DKK3: variants seen among roughly 807,000 people sequenced by gnomAD.
DKK3 encodes the protein dickkopf Wnt signaling pathway inhibitor 3.
DKK3 carries 22 observed loss-of-function variants against 33.2 expected under a neutral mutation model. The observed-to-expected ratio is 0.66, with a 90% CI of 0.47 to 0.95. DKK3 has a LOEUF of 0.95. Among genes scored for constraint, DKK3 ranks in the 40% least tolerant of loss-of-function variants. The pLI, the probability that DKK3 is intolerant of heterozygous loss-of-function variation, is 0.00. For missense variants in DKK3, 398 were observed against 458.4 expected (o/e 0.87, Z 1.20); for synonymous variants, 194 against 188.8 (o/e 1.03, Z -0.23).
chr11:12,009,049 C>T, upstream of DKK3: 4 of 988,086 alleles, frequency 4.0e-6, no homozygotes, highest in Non-Finnish European at 4.8e-6. Flanking sequence ...CTGGGGTGGA[C>T]CAAGCACAGG....
At chr11:11,990,698 C>T (rs933318339) in intron 3 of DKK3, among the ~76,000 whole-genome samples, 2 of 152,224 alleles carry the variant, frequency 1.3e-5, no homozygotes, top group African/African-American at 4.8e-5. Context: ...CTCCCCCACG[C>T]ACATCTCCAG....
At chr11:11,997,888 T>G (rs1418834919) in intron 3 of DKK3, among the ~76,000 whole-genome samples, 1 of 152,182 alleles carries the variant, frequency 6.6e-6, no homozygotes, top group Non-Finnish European at 1.5e-5. Flanking sequence ...AAATCCTCAG[T>G]GCCCTGGGAA....
chr11:11,964,260 T>A lies in DKK3; in HGVS notation c.*204A>T, dbSNP rs2134977367. The A allele has an allele frequency of 1.5e-6, 1 of 665,402 alleles. No individual in the cohort carries two copies. The highest frequency in any genetic ancestry group is 2.5e-6 in the Non-Finnish European group (1 of 396,088). The allele number at this position is 665,402 out of a possible 1,614,324, so 41.2% of individuals were successfully genotyped here. A position where few individuals can be genotyped will look rare whatever the true frequency, so the allele number is the denominator to read the frequency against. ...CTCCTGCAGTTTAACCCTGCCTGACTCTCCCAAGCACCAGACTGTGAAGCC... is the reference window on the plus strand; with the variant it reads ...CTCCTGCAGTTTAACCCTGCCTGACACTCCCAAGCACCAGACTGTGAAGCC... On this transcript the variant is annotated 3_prime_UTR_variant, in exon 7 of 7. Coordinates refer to ENST00000683431, the MANE Select transcript of DKK3 (RefSeq NM_001018057.2).
chr11:11,974,811 G>A (rs1277095947), intron 3 of DKK3, among the ~76,000 whole-genome samples: 1 of 152,092 alleles, frequency 6.6e-6, no homozygotes, highest in Non-Finnish European at 1.5e-5. Context: ...GGCTGAGGTG[G>A]GAGGATCGCT....
intron 2 of DKK3, among the ~76,000 whole-genome samples, chr11:11,999,190 A>G (rs919440783): frequency 1.3e-5 from 2 of 152,226 alleles, no homozygotes; most frequent in African/African-American, 4.8e-5. Flanking sequence ...ATGAAAAGCA[A>G]GCAGGTTTTA....
At chr11:11,986,060 TGCC>T (rs1356231001) in intron 3 of DKK3, among the ~76,000 whole-genome samples, 1 of 152,068 alleles carries the variant, frequency 6.6e-6, no homozygotes, top group Non-Finnish European at 1.5e-5. Context: ...AAGTTCTGCT[TGCC>T]AGGCATGAGA....
intron 3 of DKK3, chr11:11,979,758 T>G (rs1001049387): frequency 6.6e-6 from 1 of 152,408 alleles, no homozygotes; most frequent in African/African-American, 2.4e-5. Flanking sequence ...TCCACCAGAC[T>G]CCTTTCTGCA....
chr11:12,004,305 C>T (rs1848494017), intron 1 of DKK3, among the ~76,000 whole-genome samples: 1 of 152,160 alleles, frequency 6.6e-6, no homozygotes, highest in African/African-American at 2.4e-5. Context: ...ATCTCCGTTC[C>T]AGGCAATAGG....
In DKK3 at chr11:12,008,461, G is replaced by T; in HGVS notation, c.122C>A (p.Pro41Gln). Residue 41 changes from proline (P) to glutamine (Q), a missense_variant, in exon 1 of 7, where the codon CCG becomes CAG. Physicochemically the swap from Pro to Gln is moderately conservative, Grantham distance 76. Coordinates refer to ENST00000683431, the MANE Select transcript of DKK3 (RefSeq NM_001018057.2). The surrounding 1 kb of genome is among the most constrained non-coding windows in gnomAD (Gnocchi z 4.6). ...PVKPGPALSY[P>Q]QEEATLNEMF... ...CTCATTGAGGGTGGCCTCCTCCTGC[G>T]GGTAGCTGAGAGCCGGGCCGGGCTT... 1 of 1,609,738 alleles carries T rather than the reference G, an allele frequency of 6.2e-7. No individual in the cohort carries two copies. The highest frequency in any genetic ancestry group is 2.2e-5 in the East Asian group (1 of 44,832).
At chr11:11,997,005 G>A (rs1179638951) in intron 3 of DKK3, among the ~76,000 whole-genome samples, 1 of 152,254 alleles carries the variant, frequency 6.6e-6, no homozygotes, top group Admixed American at 6.5e-5. Context: ...GCATGTTCAA[G>A]ATCTTGTCTC....
intron 1 of DKK3, among the ~76,000 whole-genome samples, chr11:12,005,960 T>C (rs1848528261): frequency 6.6e-6 from 1 of 152,216 alleles, no homozygotes; most frequent in Non-Finnish European, 1.5e-5. Flanking sequence ...TGAGAATCTA[T>C]CAGACACTGG....
intron 3 of DKK3, among the ~76,000 whole-genome samples, chr11:11,969,124 A>G (rs1349422921): frequency 2.0e-5 from 3 of 152,156 alleles, no homozygotes; most frequent in African/African-American, 4.8e-5. Context: ...GGCTGGAGAA[A>G]CAGGGAGAGA....
In DKK3 at chr11:11,966,946, C is replaced by T; in HGVS notation, c.673+8G>A. The T allele has an allele frequency of 2.5e-6, 4 of 1,613,038 alleles. No homozygotes were observed. Among genetic ancestry groups the T allele is most frequent in the Non-Finnish European group, 2.5e-6 (3 of 1,179,446 alleles). On this transcript the variant is annotated splice_region_variant and intron_variant, in intron 5 of 6. Transcript: ENST00000683431. ...GGTTTTTCCTGCATCTGAGGGGAGG[C>T]CACTCACCTCTCTGGAAGGCACAGC...
intron 3 of DKK3, among the ~76,000 whole-genome samples, chr11:11,986,482 G>A (rs1329328719): frequency 6.6e-6 from 1 of 152,118 alleles, no homozygotes; most frequent in Non-Finnish European, 1.5e-5. Flanking sequence ...TGAGCCCAAG[G>A]AGCTCTGCCA....
intron 3 of DKK3, chr11:11,968,714 C>A (rs1233450216): frequency 1.3e-5 from 6 of 479,068 alleles, no homozygotes; most frequent in Non-Finnish European, 2.2e-5. Flanking sequence ...TGGAGGATCC[C>A]ACACCAAATT....
chr11:11,984,761 G>A (rs902549151), intron 3 of DKK3, among the ~76,000 whole-genome samples: 1 of 152,032 alleles, frequency 6.6e-6, no homozygotes, highest in Admixed American at 6.6e-5. Context: ...CCAGCCCCCT[G>A]GCAGGGCTGC....
chr11:11,991,741 C>T (rs567705043), intron 3 of DKK3, among the ~76,000 whole-genome samples: 3 of 152,132 alleles, frequency 2.0e-5, no homozygotes, highest in East Asian at 3.9e-4. Context: ...GCCCGCAGAA[C>T]GGCAAGCCAA....
intron 3 of DKK3, among the ~76,000 whole-genome samples, chr11:11,989,311 C>T (rs557170486): frequency 6.6e-6 from 1 of 152,248 alleles, no homozygotes; most frequent in East Asian, 1.9e-4. Flanking sequence ...GGAAGCAACC[C>T]AAGGGTGCAT....
At chr11:11,983,628 G>C (rs918725963) in intron 3 of DKK3, among the ~76,000 whole-genome samples, 2 of 152,358 alleles carry the variant, frequency 1.3e-5, no homozygotes, top group Middle Eastern at 3.4e-3. Flanking sequence ...AGGCTGCCAA[G>C]CTGCAGCCAC....
Sources: gnomAD v4.1 joint callset for allele counts (sites outside exome capture counted in the v4.1 genomes callset) on GRCh38, gnomAD v4.1.1 for gene constraint, Gnocchi (gnomAD v3.1) non-coding constraint, MANE v1.5 for transcripts, NCBI Gene and HGNC (gene_info 2026-07-23, HGNC 2026-07-21) for gene names.